The following MSTO1 variants were observed in gnomAD, a reference collection of about 807,000 sequenced individuals.
MSTO1 encodes misato mitochondrial distribution and morphology regulator 1.
Under a neutral mutation model 55.7 loss-of-function variants are expected in MSTO1, and 24 were observed. The ratio of observed to expected loss-of-function variants is 0.43; its 90% CI spans 0.31 to 0.61. MSTO1 has a LOEUF of 0.61. MSTO1 is among the 20% of genes least tolerant of loss of function. The pLI, the probability that MSTO1 is intolerant of heterozygous loss-of-function variation, is 0.09. For synonymous variants in MSTO1, 162 were observed against 252.8 expected, an observed-to-expected ratio of 0.64 and a Z score of 3.41; for missense variants, 363 against 625.7, an observed-to-expected ratio of 0.58 and a Z score of 4.48.
the MSTO1 span, among the ~76,000 whole-genome samples, chr1:155,577,807 G>C: frequency 2.6e-5 from 4 of 152,110 alleles, no homozygotes; most frequent in African/African-American, 9.7e-5. Context: ...GGAGTGGCGC[G>C]ACGCTAGAGT....
At chr1:155,577,672 A>G in the MSTO1 span, among the ~76,000 whole-genome samples, 1 of 152,140 alleles carries the variant, frequency 6.6e-6, no homozygotes, top group Admixed American at 6.6e-5. Context: ...TGAGTCCTTT[A>G]AATTTGTTAT....
chr1:155,590,840 C>T, the MSTO1 span: 1 of 1,608,570 alleles, frequency 6.2e-7, no homozygotes, highest in South Asian at 1.1e-5. Flanking sequence ...CAGATGATGG[C>T]ATGCGCCGTC....
chr1:155,576,526 C>T, the MSTO1 span, among the ~76,000 whole-genome samples: 3 of 151,284 alleles, frequency 2.0e-5, no homozygotes, highest in South Asian at 6.3e-4. Flanking sequence ...GGGGTTTCAC[C>T]ATGTTGGCCA....
chr1:155,588,363 T>A, the MSTO1 span, among the ~76,000 whole-genome samples: 1 of 152,194 alleles, frequency 6.6e-6, no homozygotes, highest in Non-Finnish European at 1.5e-5. Context: ...TGGCAGGTAC[T>A]CAGAATTCTA....
At chr1:155,609,243 A>ATATATATATTTTTT (rs59756178), upstream of MSTO1, among the ~76,000 whole-genome samples, 13 of 54,572 alleles carry the variant, frequency 2.4e-4, no homozygotes, top group East Asian at 1.9e-3. Flanking sequence ...ATATATATAT[A>ATATATATATTTTTT]TTTTTTTTTT....
the MSTO1 span, chr1:155,563,793 A>G: frequency 2.8e-6 from 1 of 351,360 alleles, no homozygotes; most frequent in Non-Finnish European, 5.6e-6. Context: ...TAATAAGATA[A>G]TATATGTAAA....
the MSTO1 span, among the ~76,000 whole-genome samples, chr1:155,578,427 C>T: frequency 6.8e-6 from 1 of 146,534 alleles, no homozygotes; most frequent in Non-Finnish European, 1.5e-5. Context: ...CAACCTCCGC[C>T]TCCCAGGTTC....
the MSTO1 span, chr1:155,566,121 C>A: frequency 1.3e-5 from 2 of 152,166 alleles, no homozygotes; most frequent in East Asian, 1.9e-4. Flanking sequence ...GCTGCCAGCA[C>A]CACAGCACCA....
the MSTO1 span, chr1:155,590,671 G>A: frequency 6.9e-7 from 1 of 1,445,180 alleles, no homozygotes; most frequent in Non-Finnish European, 9.4e-7. Context: ...CCAGTAGCGG[G>A]CCATGTAATG....
chr1:155,612,349 C>A, intron 8 of MSTO1, 33 bp downstream of exon 8: 1 of 1,578,738 alleles, frequency 6.3e-7, no homozygotes, highest in Non-Finnish European at 8.6e-7. Context: ...AACAGTCACA[C>A]AGTGGGGAGG....
the MSTO1 span, chr1:155,586,658 G>T: frequency 5.8e-6 from 3 of 514,022 alleles, no homozygotes; most frequent in South Asian, 4.2e-5. Context: ...AGAGTACAAG[G>T]ACAATGCTGA....
chr1:155,570,044 G>GT, the MSTO1 span, among the ~76,000 whole-genome samples: 2 of 152,098 alleles, frequency 1.3e-5, no homozygotes, highest in Non-Finnish European at 2.9e-5. Context: ...GTTGGTATTT[G>GT]TTTTAAGTTT....
the MSTO1 span, among the ~76,000 whole-genome samples, chr1:155,604,748 G>A: frequency 2.0e-5 from 3 of 152,208 alleles, no homozygotes; most frequent in Non-Finnish European, 2.9e-5. Flanking sequence ...GATGGTGCAC[G>A]CCTGTAGTCC....
chr1:155,563,561 T>C, the MSTO1 span: 4 of 456,334 alleles, frequency 8.8e-6, no homozygotes, highest in Non-Finnish European at 1.3e-5. Flanking sequence ...CCATATGCGA[T>C]GATGTTTGTT....
upstream of MSTO1, among the ~76,000 whole-genome samples, chr1:155,609,240 TA>T (rs1422171628): frequency 0.3 from 13,493 of 44,680 alleles, 2,295 homozygotes; most frequent in South Asian, 0.39. Context: ...TATATATATA[TA>T]TATTTTTTTT....
chr1:155,575,332 T>C, the MSTO1 span, among the ~76,000 whole-genome samples: 1 of 152,182 alleles, frequency 6.6e-6, no homozygotes, highest in Non-Finnish European at 1.5e-5. Context: ...CTCATTGTGG[T>C]TTTTATTTGC....
At chr1:155,585,715 C>T in the MSTO1 span, among the ~76,000 whole-genome samples, 1 of 151,950 alleles carries the variant, frequency 6.6e-6, no homozygotes, top group Non-Finnish European at 1.5e-5. Flanking sequence ...TAATATAATA[C>T]ACATGTTATA....
At chr1:155,599,629 G>A in the MSTO1 span, among the ~76,000 whole-genome samples, 13 of 152,140 alleles carry the variant, frequency 8.5e-5, no homozygotes, top group African/African-American at 3.1e-4. Flanking sequence ...GACAAAGTAT[G>A]GAGAAAGAAA....
At chr1:155,613,807 A>G (rs1243536344) in intron 13 of MSTO1, 41 bp downstream of exon 13, 1 of 1,613,878 alleles carries the variant, frequency 6.2e-7, no homozygotes, top group Non-Finnish European at 8.5e-7. Flanking sequence ...CAAGTATGGG[A>G]GAGTTTTTAC....
Sources: gnomAD v4.1 joint callset for allele counts (sites outside exome capture counted in the v4.1 genomes callset) on GRCh38, gnomAD v4.1.1 for gene constraint, MANE v1.5 for transcripts, NCBI Gene and HGNC (gene_info 2026-07-23, HGNC 2026-07-21) for gene names.